PCDHA2: variants seen among roughly 807,000 people sequenced by gnomAD.
The protein encoded by PCDHA2 is protocadherin alpha-2.
Under a neutral mutation model 66.0 loss-of-function variants are expected in PCDHA2, and 58 were observed. The ratio of observed to expected loss-of-function variants is 0.88; its 90% CI spans 0.71 to 1.09. PCDHA2 has a LOEUF of 1.09. Ranked by LOEUF, PCDHA2 falls within the 50% of genes least tolerant of loss-of-function variation. The probability of loss-of-function intolerance (pLI) is 0.00; values close to 1 mark genes in which losing one functional copy is unlikely to be tolerated. For synonymous variants in PCDHA2, 634 were observed against 554.0 expected (o/e 1.14, Z -2.03); for missense variants, 1,267 against 1,242.3 (o/e 1.02, Z -0.30).
chr5:140,830,269 A>T, intron 1 of PCDHA2: 6 of 1,613,514 alleles, frequency 3.7e-6, no homozygotes, highest in Non-Finnish European at 5.1e-6. Flanking sequence ...GCTCGGCGCC[A>T]CCCACCGAGG....
chr5:140,895,786 A>G (rs2065159984), intron 1 of PCDHA2, among the ~76,000 whole-genome samples: 2 of 152,080 alleles, frequency 1.3e-5, no homozygotes, highest in Non-Finnish European at 2.9e-5. Context: ...GTATTCAATG[A>G]CGTATATGTA....
At chr5:140,815,167 A>T (rs1407825573) in intron 1 of PCDHA2, 1 of 151,854 alleles carries the variant, frequency 6.6e-6, no homozygotes, top group Non-Finnish European at 1.5e-5. Context: ...TGATTGGGGG[A>T]GTTTATCCCA....
chr5:140,823,174 A>T, intron 1 of PCDHA2: 1 of 1,613,916 alleles, frequency 6.2e-7, no homozygotes, highest in Non-Finnish European at 8.5e-7. Flanking sequence ...GAAGGAGAAC[A>T]ACCCGCCAGG....
intron 1 of PCDHA2, chr5:140,842,737 C>A: frequency 6.3e-7 from 1 of 1,595,052 alleles, no homozygotes; most frequent in Non-Finnish European, 8.6e-7. Flanking sequence ...CGCCGGGCTG[C>A]CACATCTTCA....
intron 1 of PCDHA2, among the ~76,000 whole-genome samples, chr5:140,960,972 T>C (rs936519951): frequency 6.6e-6 from 1 of 152,188 alleles, no homozygotes; most frequent in South Asian, 2.1e-4. Flanking sequence ...GCAGTTGCAA[T>C]TCTTGTTCCA....
chr5:140,830,086 T>G, intron 1 of PCDHA2: 1 of 1,613,548 alleles, frequency 6.2e-7, no homozygotes, highest in African/African-American at 1.3e-5. Context: ...CGGCCACGGT[T>G]CTGGTGTCGC....
intron 1 of PCDHA2, chr5:140,927,546 A>G (rs1554204713): frequency 6.2e-7 from 1 of 1,614,146 alleles, no homozygotes; most frequent in Non-Finnish European, 8.5e-7. Flanking sequence ...GAGACGCACA[A>G]GTCACCATCA....
At chr5:140,827,461 C>T (rs1769301582) in intron 1 of PCDHA2, among the ~76,000 whole-genome samples, 1 of 152,194 alleles carries the variant, frequency 6.6e-6, no homozygotes, top group Admixed American at 6.5e-5. Context: ...TTAAGAGCAT[C>T]TGATATTTAT....
In PCDHA2 at chr5:141,008,942, A is replaced by G. The variant is rs544111760; in HGVS notation, c.2537-685A>G. Among the ~76,000 whole-genome samples the G allele has an allele frequency of 1.5e-4, 23 of 152,326 alleles. No homozygotes were observed. In the South Asian group the frequency reaches 4.8e-3, roughly 32 times the overall value. On this transcript the variant is annotated intron_variant, in intron 3 of 3. Transcript: ENST00000526136. ...ATTCAGCTAATTTTTCTTGTTTTGG[A>G]CAAAATAGACATCCTAATACATTTA...
In PCDHA2 at chr5:140,829,267, C is replaced by G. The variant is rs2150164900; in HGVS notation, c.2388+31915C>G. 1.1e-5 allele frequency: 18 copies of G among 1,614,126 alleles called. No homozygotes were observed. Among genetic ancestry groups the G allele is most frequent in the African/African-American group, 2.7e-5 (2 of 74,954 alleles). ...AGGTGAACTGCTCGCTGACGCCTCA[C>G]GTCCCTTTCAAGCTGGTGTCCACCT... On this transcript the variant is annotated intron_variant, in intron 1 of 3. Coordinates refer to ENST00000526136, the MANE Select transcript of PCDHA2 (RefSeq NM_018905.3).
At chr5:140,858,107 C>T in intron 1 of PCDHA2, 1 of 1,597,636 alleles carries the variant, frequency 6.3e-7, no homozygotes, top group Non-Finnish European at 8.6e-7. Context: ...GGGCGTGGCG[C>T]CCGAGGTGGC....
At chr5:140,854,210 T>C in intron 1 of PCDHA2, 2 of 643,974 alleles carry the variant, frequency 3.1e-6, no homozygotes, top group Non-Finnish European at 3.8e-6. Context: ...TTTTATTCAA[T>C]ATTGGACATC....
In PCDHA2 at chr5:140,904,302, A is replaced by C. The variant is rs553969479; in HGVS notation, c.2389-74647A>C. Among the ~76,000 whole-genome samples, 22 of 151,950 alleles carry C rather than the reference A, an allele frequency of 1.4e-4. No individual in the cohort carries two copies. In the East Asian group the frequency reaches 3.9e-3, roughly 27 times the overall value. On this transcript the variant is annotated intron_variant, in intron 1 of 3. Transcript: ENST00000526136. ...TGTGGTGTTTGGTTTTCCATTCCTG[A>C]GTTTCTTCACTTAGAATAATGGTCT...
rs782226179 is a variant in PCDHA2 at position 140,803,318 on chromosome 5, G to A, written c.2388+5966G>A. 3.1e-6 allele frequency: 5 copies of A among 1,614,152 alleles called. No individual in the cohort carries two copies. The Admixed American group carries it at 8.3e-5, about 27-fold the overall frequency. Reference sequence around the variant, plus strand: ...ACTTGATCGTCGCCATCTGCGCGGTGTCCAGTCTGTTGGTGCTCACACTGC... The same window carrying A: ...ACTTGATCGTCGCCATCTGCGCGGTATCCAGTCTGTTGGTGCTCACACTGC... On this transcript the variant is annotated intron_variant, in intron 1 of 3. Coordinates refer to ENST00000526136, the MANE Select transcript of PCDHA2 (RefSeq NM_018905.3).
chr5:140,882,582 A>G (rs1554174663), intron 1 of PCDHA2: 1 of 1,614,114 alleles, frequency 6.2e-7, no homozygotes, highest in East Asian at 2.2e-5. Context: ...TGCAGCATCC[A>G]CCTGGAGGTG....
At chr5:140,801,129 A>T in intron 1 of PCDHA2, 3 of 1,521,272 alleles carry the variant, frequency 2.0e-6, no homozygotes, top group Non-Finnish European at 2.6e-6. Context: ...AAATGAAGAT[A>T]AGGAACTCGA....
chr5:140,808,970 C>A lies in PCDHA2; in HGVS notation c.2388+11618C>A, dbSNP rs879959461. The A allele has an allele frequency of 5.6e-6, 9 of 1,613,572 alleles. No homozygotes were observed. The South Asian group carries it at 8.8e-5, about 16-fold the overall frequency. On this transcript the variant is annotated intron_variant, in intron 1 of 3. Transcript: ENST00000526136. ...TGTGGGCCACGTGGTGGCAAAGGTG[C>A]GCGCGGTGGATGCTGACTCGGGCTA...
rs1004548473 is a variant in PCDHA2 at position 141,011,507 on chromosome 5, G to T, written c.*1570G>T. Reference sequence around the variant, plus strand: ...CCTTTTGTACACCTGTGAAAAAGTGGAGTAGTGTTTTTTTAACCATTGTTA... The same window carrying T: ...CCTTTTGTACACCTGTGAAAAAGTGTAGTAGTGTTTTTTTAACCATTGTTA... On this transcript the variant is annotated 3_prime_UTR_variant, in exon 4 of 4. Transcript: ENST00000526136. 5.2e-5 allele frequency: 8 copies of T among 153,740 alleles called. No individual in the cohort carries two copies. The highest frequency in any genetic ancestry group is 1.9e-4 in the African/African-American group (8 of 41,440). The allele number at this position is 153,740 out of a possible 1,614,324, so 9.5% of individuals were successfully genotyped here. A position where few individuals can be genotyped will look rare whatever the true frequency, so the allele number is the denominator to read the frequency against.
chr5:140,923,865 A>G (rs1422887617), intron 1 of PCDHA2, among the ~76,000 whole-genome samples: 1 of 152,226 alleles, frequency 6.6e-6, no homozygotes, highest in Non-Finnish European at 1.5e-5. Flanking sequence ...GGGAAGCCAA[A>G]AATCTGAGAA....
Sources: allele counts gnomAD v4.1 joint callset (sites outside exome capture counted in the v4.1 genomes callset), GRCh38; gene constraint gnomAD v4.1.1; transcripts MANE v1.5; gene names NCBI Gene and HGNC (gene_info 2026-07-23, HGNC 2026-07-21).